Variants in ABCA1 observed in about 807,000 individuals in gnomAD.
ABCA1 encodes the protein ATP binding cassette subfamily A member 1.
A neutral mutation model predicts 262.5 loss-of-function variants in ABCA1; 133 were observed. That is an observed-to-expected ratio of 0.51 (90% CI 0.44 to 0.59). The LOEUF (loss-of-function observed/expected upper bound fraction) is 0.59, where lower values mean the gene tolerates loss of function less well. Among genes scored for constraint, ABCA1 ranks in the 20% least tolerant of loss-of-function variants. ABCA1 has a pLI of 0.00. For missense variants in ABCA1, 2,452 were observed against 2,777.5 expected (o/e 0.88, Z 2.63); for synonymous variants, 1,022 against 1,043.5 (o/e 0.98, Z 0.40).
At chr9:104,923,619 A>C (rs1337156793) in intron 1 of ABCA1, among the ~76,000 whole-genome samples, 1 of 152,214 alleles carries the variant, frequency 6.6e-6, no homozygotes, top group African/African-American at 2.4e-5. Flanking sequence ...GCTGGAGTTA[A>C]AGAACTCTGG....
intron 1 of ABCA1, among the ~76,000 whole-genome samples, chr9:104,925,662 C>T (rs1826266165): frequency 6.6e-6 from 1 of 152,090 alleles, no homozygotes; most frequent in Non-Finnish European, 1.5e-5. Context: ...TCCTAAAATT[C>T]CCTAGCATTA....
rs1171825530 is a variant in ABCA1, at chr9:104,782,616, TTTG to T, written c.*1696_*1698del. The T allele has an allele frequency of 6.6e-6, 1 of 152,134 alleles. No individual in the cohort carries two copies. The highest frequency in any genetic ancestry group is 2.4e-5 in the African/African-American group (1 of 41,424). The allele number at this position is 152,134 out of a possible 1,614,324, so 9.4% of individuals were successfully genotyped here. A position where few individuals can be genotyped will look rare whatever the true frequency, so the allele number is the denominator to read the frequency against. ...CTGAAAAATGCTCCATATGGAAGTATTTGTTGTTTTTATATTTTTCTTGACTAG... is the reference window on the plus strand; with the variant it reads ...CTGAAAAATGCTCCATATGGAAGTATTTGTTTTTATATTTTTCTTGACTAG... On this transcript the variant is annotated 3_prime_UTR_variant, in exon 50 of 50. Transcript: ENST00000374736.
chr9:104,869,392 CTCG>C (rs1837398248), intron 5 of ABCA1, among the ~76,000 whole-genome samples: 1 of 152,172 alleles, frequency 6.6e-6, no homozygotes, highest in South Asian at 2.1e-4. Context: ...CAAATTCTAA[CTCG>C]TGGTTTTAAT....
chr9:104,927,962 C>A lies in ABCA1; in HGVS notation c.-120G>T, dbSNP rs1053958108. ...GTTTTCCACTTTTGTGTTTGCGTCT[C>A]TTTCTCCTACCCCTTGACAAGCCTT... On this transcript the variant is annotated 5_prime_UTR_variant, in exon 1 of 50. Coordinates refer to ENST00000374736, the MANE Select transcript of ABCA1 (RefSeq NM_005502.4). 1 of 152,258 alleles carries A rather than the reference C, an allele frequency of 6.6e-6. No homozygotes were observed. Among genetic ancestry groups the A allele is most frequent in the East Asian group, 1.9e-4 (1 of 5,178 alleles). 9.4% of individuals were successfully genotyped at this position (152,258 alleles called of 1,614,324 possible).
rs1830753866 is a variant in ABCA1 at position 104,806,261 on chromosome 9, C to T, written c.4444G>A (p.Gly1482Arg). The T allele has an allele frequency of 6.2e-7, 1 of 1,613,448 alleles. No homozygotes were observed. Among genetic ancestry groups the T allele is most frequent in the Non-Finnish European group, 8.5e-7 (1 of 1,180,022 alleles). Residue 1482 changes from glycine (G) to arginine (R), a missense_variant, in exon 31 of 50, where the codon GGG (glycine) becomes AGG (arginine). Physicochemically the swap from Gly to Arg is moderately radical, Grantham distance 125. Transcript: ENST00000374736. ...KMLPVCPPGA[G>R]GLPPPQRKQN... ...CTCACTTGTGGAGGAGGCAGCCCCC[C>T]TGCCCCTGGGGGACACACAGGCAGC...
intron 5 of ABCA1, among the ~76,000 whole-genome samples, chr9:104,873,766 T>TACTA: frequency 6.6e-6 from 1 of 152,338 alleles, no homozygotes; most frequent in East Asian, 1.9e-4. Flanking sequence ...CCAGGCACTG[T>TACTA]ACTAAGTGCT....
chr9:104,917,832 G>GTT (rs1279952685), intron 1 of ABCA1, among the ~76,000 whole-genome samples: 1 of 151,978 alleles, frequency 6.6e-6, no homozygotes, highest in Non-Finnish European at 1.5e-5. Context: ...TTTCAACAAA[G>GTT]TAAGAGAAGT....
At chr9:104,807,407 G>A (rs1830864803) in intron 30 of ABCA1, among the ~76,000 whole-genome samples, 1 of 152,072 alleles carries the variant, frequency 6.6e-6, no homozygotes, top group South Asian at 2.1e-4. Flanking sequence ...TTTTTCCACT[G>A]GCAAAATAAA....
intron 33 of ABCA1, 102 bp downstream of exon 33, chr9:104,803,182 A>G: frequency 7.8e-7 from 1 of 1,281,846 alleles, no homozygotes; most frequent in Non-Finnish European, 1.1e-6. Flanking sequence ...GGCACCCACA[A>G]GTGTGTGAGT....
At chr9:104,915,392 T>G (rs1841780870) in intron 1 of ABCA1, among the ~76,000 whole-genome samples, 1 of 152,044 alleles carries the variant, frequency 6.6e-6, no homozygotes, top group African/African-American at 2.4e-5. Flanking sequence ...ACAAGCAAAC[T>G]CCTTCTTTAG....
In ABCA1 at chr9:104,862,631, T is replaced by TGCTGG. The variant is rs1294855458; in HGVS notation, c.422-832_422-831insCCAGC. On this transcript the variant is annotated intron_variant, in intron 5 of 49. Coordinates refer to ENST00000374736, the MANE Select transcript of ABCA1 (RefSeq NM_005502.4). ...CTGGAGAGCTTGTTAAAATGCAGAC[T>TGCTGG]GCCGGGCCGGGCCGGGCCGGGCCGG... is the stretch of plus-strand genomic sequence containing the variant. Among the ~76,000 whole-genome samples, 170 of 22,950 alleles carry TGCTGG rather than the reference T, an allele frequency of 7.4e-3. 41 individuals are homozygous for TGCTGG. The highest frequency in any genetic ancestry group is 0.014 in the African/African-American group (61 of 4,306). 15.1% of individuals were successfully genotyped at this position (22,950 alleles called of 152,430 possible).
chr9:104,800,554 A>G lies in ABCA1; in HGVS notation c.4729T>C (p.Leu1577=), dbSNP rs543982791. The change falls in exon 35 of 50, where the codon TTG becomes CTG. Residue 1577 remains leucine (L), a synonymous_variant. Transcript: ENST00000374736. ...TCCAGTCCTGTCATAAATCTTCCCA[A>G]GCTGTTGAGAAATCGATCTGCAGAA... ...DSSADRFLNS[L]GRFMTGLDTK... is the part of the protein sequence containing the mutation. 24 of 1,614,148 alleles carry G rather than the reference A, an allele frequency of 1.5e-5. No individual in the cohort carries two copies. The highest frequency in any genetic ancestry group is 2.0e-5 in the Non-Finnish European group (24 of 1,179,988).
chr9:104,812,939 G>T lies in ABCA1; in HGVS notation c.3902-217C>A, dbSNP rs563944124. On this transcript the variant is annotated intron_variant, in intron 27 of 49. Coordinates refer to ENST00000374736, the MANE Select transcript of ABCA1 (RefSeq NM_005502.4). The stretch of plus-strand genomic sequence containing the variant: ...AGTCTCTGCCTTTCAGTCCTTGTCT[G>T]ATAAGTACAGAAAAGAAAGGTGTCT... 4.6e-5 allele frequency among the ~76,000 whole-genome samples: 7 copies of T among 152,326 alleles called. No individual in the cohort carries two copies. The East Asian group carries it at 1.4e-3, about 29-fold the overall frequency.
intron 5 of ABCA1, among the ~76,000 whole-genome samples, chr9:104,867,952 A>G (rs1019166917): frequency 5.3e-5 from 8 of 152,220 alleles, no homozygotes; most frequent in African/African-American, 1.9e-4. Context: ...AAAGGAACAC[A>G]GGGCAAAACA....
At chr9:104,784,767 G>A (rs1440581530) in intron 49 of ABCA1, among the ~76,000 whole-genome samples, 6 of 152,104 alleles carry the variant, frequency 3.9e-5, no homozygotes, top group South Asian at 4.2e-4. Context: ...CCTCAGCCTC[G>A]CAAGTAGCTG....
rs759527890 is a variant in ABCA1 at position 104,784,030 on chromosome 9, G to A, written c.*285C>T. On this transcript the variant is annotated 3_prime_UTR_variant, in exon 50 of 50. Coordinates refer to ENST00000374736, the MANE Select transcript of ABCA1 (RefSeq NM_005502.4). Reference sequence around the variant, plus strand: ...AAAAAGTGTGAGTTCAAACCCATATGTCCATTGGGTTCCATAATAGAGTTT... The same window carrying A: ...AAAAAGTGTGAGTTCAAACCCATATATCCATTGGGTTCCATAATAGAGTTT... 3 of 348,310 alleles carry A rather than the reference G, an allele frequency of 8.6e-6. No individual in the cohort carries two copies. Among genetic ancestry groups the A allele is most frequent in the Admixed American group, 4.3e-5 (1 of 23,404 alleles). The allele number at this position is 348,310 out of a possible 1,614,324, so 21.6% of individuals were successfully genotyped here.
At chr9:104,862,635 G>A (rs1194236423) in intron 5 of ABCA1, among the ~76,000 whole-genome samples, 2 of 1,434 alleles carry the variant, frequency 1.4e-3, no homozygotes, top group Non-Finnish European at 2.2e-3. Context: ...GCAGACTGCC[G>A]GGCCGGGCCG....
chr9:104,853,757 A>C (rs1195102497), intron 7 of ABCA1, among the ~76,000 whole-genome samples: 1 of 152,204 alleles, frequency 6.6e-6, no homozygotes, highest in Non-Finnish European at 1.5e-5. Context: ...GTCACTTTCC[A>C]AATATGGGCA....
chr9:104,819,517 A>T, intron 22 of ABCA1, 69 bp downstream of exon 22: 1 of 1,607,380 alleles, frequency 6.2e-7, no homozygotes, highest in Non-Finnish European at 8.5e-7. Context: ...CATGAGATAC[A>T]GCCACACTTC....
Sources: allele counts gnomAD v4.1 joint callset (sites outside exome capture counted in the v4.1 genomes callset), GRCh38; gene constraint gnomAD v4.1.1; transcripts MANE v1.5; gene names NCBI Gene and HGNC (gene_info 2026-07-23, HGNC 2026-07-21).